Variants in NALF1 observed in about 807,000 individuals in gnomAD.
NALF1 encodes NALCN channel auxiliary factor 1, also known as family with sequence similarity 155 member A.
NALF1 carries 3 observed loss-of-function variants against 48.4 expected under a neutral mutation model. That is an observed-to-expected ratio of 0.06 (90% CI 0.03 to 0.16). The LOEUF (loss-of-function observed/expected upper bound fraction) is 0.16, where lower values mean the gene tolerates loss of function less well. Ranked by LOEUF, NALF1 falls within the 10% of genes least tolerant of loss-of-function variation. The pLI, the probability that NALF1 is intolerant of heterozygous loss-of-function variation, is 1.00. For missense variants in NALF1, 526 were observed against 571.5 expected (o/e 0.92, Z 0.81); for synonymous variants, 262 against 245.7 (o/e 1.07, Z -0.62).
intron 1 of NALF1, among the ~76,000 whole-genome samples, chr13:107,395,480 C>A (rs1011827612): frequency 1.1e-4 from 17 of 152,096 alleles, no homozygotes; most frequent in South Asian, 6.2e-4. Context: ...CTTAGATTCA[C>A]CTTTAAGATT....
chr13:107,645,680 CAAAAAAAAAAA>C (rs56187783), intron 1 of NALF1, among the ~76,000 whole-genome samples: 107 of 132,478 alleles, frequency 8.1e-4, no homozygotes, highest in South Asian at 3.4e-3. Context: ...TACTGGGAGA[CAAAAAAAAAAA>C]AAAAAAAAAA....
At chr13:107,601,896 T>C (rs1878940184) in intron 1 of NALF1, among the ~76,000 whole-genome samples, 1 of 152,024 alleles carries the variant, frequency 6.6e-6, no homozygotes, top group African/African-American at 2.4e-5. Flanking sequence ...TTACTGAGGC[T>C]CCCTCCCTTC....
intron 1 of NALF1, among the ~76,000 whole-genome samples, chr13:107,454,416 G>A (rs889377471): frequency 6.6e-6 from 1 of 152,156 alleles, no homozygotes; most frequent in African/African-American, 2.4e-5. Flanking sequence ...TGGCTAGAAG[G>A]AGACGTGCCC....
intron 1 of NALF1, among the ~76,000 whole-genome samples, chr13:107,863,956 G>C (rs1024373295): frequency 6.6e-6 from 1 of 152,130 alleles, no homozygotes; most frequent in Non-Finnish European, 1.5e-5. Context: ...ATGCAGGGAA[G>C]GAGGCAAATA....
intron 1 of NALF1, among the ~76,000 whole-genome samples, chr13:107,225,796 T>C (rs1880089667): frequency 6.6e-6 from 1 of 152,100 alleles, no homozygotes; most frequent in African/African-American, 2.4e-5. Flanking sequence ...GAATTCTGAT[T>C]GCCATACTCT....
chr13:107,399,088 T>C (rs182493700), intron 1 of NALF1, among the ~76,000 whole-genome samples: 1 of 152,242 alleles, frequency 6.6e-6, no homozygotes, highest in East Asian at 1.9e-4. Flanking sequence ...CTGTTATAGA[T>C]TGTGCGCACC....
intron 1 of NALF1, among the ~76,000 whole-genome samples, chr13:107,333,585 C>T (rs772574791): frequency 5.3e-5 from 8 of 152,054 alleles, no homozygotes; most frequent in South Asian, 2.1e-4. Flanking sequence ...GGGGCAGGTA[C>T]GAGTAAATTT....
At chr13:107,716,317 C>T (rs2138523578) in intron 1 of NALF1, among the ~76,000 whole-genome samples, 1 of 152,282 alleles carries the variant, frequency 6.6e-6, no homozygotes, top group Non-Finnish European at 1.5e-5. Flanking sequence ...GTGTAAAATT[C>T]ACCCAGGGAA....
chr13:107,701,557 G>A (rs773543630), intron 1 of NALF1, among the ~76,000 whole-genome samples: 7 of 152,130 alleles, frequency 4.6e-5, no homozygotes, highest in Non-Finnish European at 8.8e-5. Context: ...CAAACTAGCA[G>A]ATATGTACTG....
chr13:107,254,646 T>A (rs1163097521), intron 1 of NALF1, among the ~76,000 whole-genome samples: 1 of 152,178 alleles, frequency 6.6e-6, no homozygotes, highest in East Asian at 1.9e-4. Flanking sequence ...CCTGGGTAAA[T>A]AAACCACCTA....
At chr13:107,511,829 A>G (rs1185452207) in intron 1 of NALF1, among the ~76,000 whole-genome samples, 2 of 152,194 alleles carry the variant, frequency 1.3e-5, no homozygotes, top group Admixed American at 6.5e-5. Context: ...CTGTTTCAAC[A>G]TTTTATGAAA....
chr13:107,564,882 T>C (rs890264532), intron 1 of NALF1, among the ~76,000 whole-genome samples: 4 of 151,838 alleles, frequency 2.6e-5, no homozygotes, highest in Non-Finnish European at 4.4e-5. Flanking sequence ...AATTCCCCCA[T>C]ACAGGTGAGG....
Position 107,697,510 on chromosome 13 carries a change from T to C in NALF1, c.915+168172A>G, listed in dbSNP as rs570465065. On this transcript the variant is annotated intron_variant, in intron 1 of 2. Coordinates refer to ENST00000375915, the MANE Select transcript of NALF1 (RefSeq NM_001080396.3). ...AATATTCAATTGTGTTTTTCACCTA[T>C]AATTAGTTTCCTACATTAAGCATTT... 8.0e-4 allele frequency among the ~76,000 whole-genome samples: 122 copies of C among 152,302 alleles called. 1 individual carries two copies. Among genetic ancestry groups the C allele is most frequent in the South Asian group, 4.8e-3 (23 of 4,826 alleles).
intron 1 of NALF1, among the ~76,000 whole-genome samples, chr13:107,771,166 T>C (rs1167158468): frequency 6.6e-6 from 1 of 152,224 alleles, no homozygotes; most frequent in African/African-American, 2.4e-5. Flanking sequence ...AAATGTAAAA[T>C]TAACAGAACT....
At chr13:107,751,257 T>C (rs1298379470) in intron 1 of NALF1, among the ~76,000 whole-genome samples, 1 of 152,214 alleles carries the variant, frequency 6.6e-6, no homozygotes, top group Non-Finnish European at 1.5e-5. Flanking sequence ...ATATTTCACA[T>C]AGCTTTGCCC....
At chr13:107,546,497 T>A (rs1877139813) in intron 1 of NALF1, among the ~76,000 whole-genome samples, 1 of 152,214 alleles carries the variant, frequency 6.6e-6, no homozygotes, top group African/African-American at 2.4e-5. Flanking sequence ...TGCATTCATT[T>A]GTAGATTCAA....
At chr13:107,800,014 G>T (rs756426131) in intron 1 of NALF1, among the ~76,000 whole-genome samples, 12 of 152,114 alleles carry the variant, frequency 7.9e-5, no homozygotes, top group Non-Finnish European at 1.5e-4. Context: ...AGGAAGAAAG[G>T]GCGGAGAGGG....
chr13:107,395,088 G>A (rs1883690015), intron 1 of NALF1, among the ~76,000 whole-genome samples: 1 of 152,136 alleles, frequency 6.6e-6, no homozygotes, highest in Admixed American at 6.6e-5. Flanking sequence ...GGTCTTTTGA[G>A]GTGCTACATG....
At chr13:107,505,490 G>T (rs1448461522) in intron 1 of NALF1, among the ~76,000 whole-genome samples, 1 of 152,200 alleles carries the variant, frequency 6.6e-6, no homozygotes, top group East Asian at 1.9e-4. Flanking sequence ...GCTGCTAGAG[G>T]CTGATTTATA....
Sources: allele counts gnomAD v4.1 joint callset (sites outside exome capture counted in the v4.1 genomes callset), GRCh38; gene constraint gnomAD v4.1.1; transcripts MANE v1.5; gene names NCBI Gene and HGNC (gene_info 2026-07-23, HGNC 2026-07-21).